Variants in RBFOX1 observed in about 807,000 individuals in gnomAD.
RBFOX1 encodes RNA binding fox-1 homolog 1, also known as RNA binding protein fox-1 homolog 1.
Under a neutral mutation model 57.7 loss-of-function variants are expected in RBFOX1, and 8 were observed. The observed-to-expected ratio is 0.14, with a 90% CI of 0.08 to 0.25. The LOEUF (loss-of-function observed/expected upper bound fraction) is 0.25. RBFOX1 is among the 10% of genes least tolerant of loss of function. The pLI is 1.00. For missense variants in RBFOX1, 611 were observed against 548.5 expected, an observed-to-expected ratio of 1.11 and a Z score of -1.14; for synonymous variants, 326 against 222.4, an observed-to-expected ratio of 1.47 and a Z score of -4.15.
chr16:5,614,849 A>G (rs2047962582), intron 3 of RBFOX1, among the ~76,000 whole-genome samples: 2 of 152,190 alleles, frequency 1.3e-5, no homozygotes, highest in African/African-American at 4.8e-5. Context: ...GTTTAGAGAA[A>G]AGGACAGTGC....
chr16:6,946,658 G>T (rs768345407), intron 3 of RBFOX1, among the ~76,000 whole-genome samples: 3 of 144,816 alleles, frequency 2.1e-5, no homozygotes, highest in African/African-American at 5.0e-5. Context: ...GCTGGAGTGC[G>T]GTAGTGAGAT....
At chr16:6,491,165 CATAGTCT>C (rs1050151553) in intron 2 of RBFOX1, among the ~76,000 whole-genome samples, 11 of 151,468 alleles carry the variant, frequency 7.3e-5, no homozygotes, top group Non-Finnish European at 1.3e-4. Flanking sequence ...CTAGAAGCTA[CATAGTCT>C]ATAGTCTATT....
At chr16:5,907,535 G>A (rs2058489845) in intron 4 of RBFOX1, among the ~76,000 whole-genome samples, 1 of 152,086 alleles carries the variant, frequency 6.6e-6, no homozygotes, top group East Asian at 1.9e-4. Flanking sequence ...TCTTGCTTAT[G>A]CTGTGTGATT....
intron 3 of RBFOX1, among the ~76,000 whole-genome samples, chr16:5,789,983 T>C (rs1054777569): frequency 6.6e-5 from 10 of 152,226 alleles, no homozygotes; most frequent in Non-Finnish European, 1.3e-4. Flanking sequence ...ACGGGCTTCA[T>C]GCAGGAAAAG....
At chr16:5,514,790 GA>G in intron 2 of RBFOX1, among the ~76,000 whole-genome samples, 1 of 151,794 alleles carries the variant, frequency 6.6e-6, no homozygotes, top group East Asian at 1.9e-4. Context: ...AGAGGGAGGA[GA>G]AAAAAGAGAT....
chr16:6,206,931 C>G (rs2097259208), intron 1 of RBFOX1, among the ~76,000 whole-genome samples: 1 of 150,932 alleles, frequency 6.6e-6, no homozygotes, highest in Non-Finnish European at 1.5e-5. Flanking sequence ...ATGGTGAGCA[C>G]CTTGTAATAC....
chr16:7,107,268 A>G (rs780042092), intron 4 of RBFOX1, among the ~76,000 whole-genome samples: 17 of 152,064 alleles, frequency 1.1e-4, no homozygotes, highest in Non-Finnish European at 2.1e-4. Context: ...CTGGAGAGCA[A>G]TGTGGAAACC....
intron 3 of RBFOX1, among the ~76,000 whole-genome samples, chr16:6,802,695 C>T (rs923379400): frequency 5.3e-5 from 8 of 152,118 alleles, no homozygotes; most frequent in African/African-American, 1.7e-4. Flanking sequence ...AAAAAAAGTG[C>T]ATGTTATTTG....
intron 3 of RBFOX1, among the ~76,000 whole-genome samples, chr16:6,992,436 T>C: frequency 6.6e-6 from 1 of 152,112 alleles, no homozygotes; most frequent in East Asian, 1.9e-4. Flanking sequence ...CAGGCTGGTC[T>C]TGAACTCTTG....
intron 2 of RBFOX1, among the ~76,000 whole-genome samples, chr16:5,596,874 T>C (rs1356040172): frequency 6.9e-6 from 1 of 144,476 alleles, no homozygotes; most frequent in South Asian, 2.2e-4. Flanking sequence ...GGGGACATCA[T>C]TTGTGTTTAT....
chr16:6,843,567 T>C (rs903779636), intron 3 of RBFOX1, among the ~76,000 whole-genome samples: 90 of 152,178 alleles, frequency 5.9e-4, no homozygotes, highest in African/African-American at 2.1e-3. Context: ...CGGGCACCTG[T>C]AGTCCCAGCT....
intron 2 of RBFOX1, among the ~76,000 whole-genome samples, chr16:6,623,660 G>A (rs951164454): frequency 2.0e-5 from 3 of 151,046 alleles, no homozygotes; most frequent in Non-Finnish European, 2.9e-5. Context: ...TGTTCTCATC[G>A]TTCAGTTCTC....
Position 5,787,901 on chromosome 16 carries a change from T to C in RBFOX1, c.319-79402T>C, listed in dbSNP as rs116402729. Among the ~76,000 whole-genome samples the C allele has an allele frequency of 7.5e-3, 1,135 of 152,340 alleles. 15 individuals carry two copies. Among genetic ancestry groups the C allele is most frequent in the African/African-American group, 0.025 (1,048 of 41,574 alleles). The stretch of plus-strand genomic sequence containing the variant: ...TCAACTAAGGAACTTAGATGTTATG[T>C]GGCAGGTCATTCACTGAAGATTTGG... On this transcript the variant is annotated intron_variant, in intron 3 of 19. Transcript: ENST00000641259.
At chr16:6,832,007 T>C (rs900380114) in intron 3 of RBFOX1, among the ~76,000 whole-genome samples, 1 of 152,230 alleles carries the variant, frequency 6.6e-6, no homozygotes. Flanking sequence ...TATCACTAAT[T>C]AAATAAAGTA....
intron 3 of RBFOX1, among the ~76,000 whole-genome samples, chr16:5,833,978 C>T (rs1305546628): frequency 6.6e-6 from 1 of 152,188 alleles, no homozygotes; most frequent in African/African-American, 2.4e-5. Context: ...ACTTAATTGA[C>T]CTGAGCCCCC....
rs965990211 is a variant in RBFOX1 at position 5,591,470 on chromosome 16, C to T, written c.259-7432C>T. Among the ~76,000 whole-genome samples the T allele has an allele frequency of 2.3e-4, 35 of 152,162 alleles. 1 individual carries two copies. Among genetic ancestry groups the T allele is most frequent in the African/African-American group, 7.5e-4 (31 of 41,510 alleles). The stretch of plus-strand genomic sequence containing the variant: ...TTCACCATGTTGGCCAGGTTGGTCT[C>T]GTACTCCTGACCTCAGGTGATCTGC... On this transcript the variant is annotated intron_variant, in intron 2 of 2. Coordinates refer to the RBFOX1 transcript ENST00000585867.
At chr16:6,484,725 G>A (rs773513670) in intron 2 of RBFOX1, among the ~76,000 whole-genome samples, 22 of 152,006 alleles carry the variant, frequency 1.4e-4, no homozygotes, top group Admixed American at 6.6e-5. Context: ...TACTTAAGAG[G>A]GCTCCAAGCA....
intron 4 of RBFOX1, among the ~76,000 whole-genome samples, chr16:5,884,496 C>G (rs920039635): frequency 7.0e-6 from 1 of 143,152 alleles, no homozygotes; most frequent in African/African-American, 2.6e-5. Context: ...CTAGGGTACA[C>G]AGCTGGACTA....
chr16:7,012,928 G>T (rs1003945332), intron 3 of RBFOX1, among the ~76,000 whole-genome samples: 1 of 152,088 alleles, frequency 6.6e-6, no homozygotes, highest in African/African-American at 2.4e-5. Flanking sequence ...GTCAGGTCCT[G>T]GTGGAGGCTC....
Sources: allele counts gnomAD v4.1 joint callset (sites outside exome capture counted in the v4.1 genomes callset), GRCh38; gene constraint gnomAD v4.1.1; transcripts MANE v1.5; gene names NCBI Gene and HGNC (gene_info 2026-07-23, HGNC 2026-07-21).